PRMT9: variants seen among roughly 807,000 people sequenced by gnomAD.
The protein encoded by PRMT9 is protein arginine N-methyltransferase 9.
PRMT9 carries 59 observed loss-of-function variants against 83.2 expected under a neutral mutation model. The ratio of observed to expected loss-of-function variants is 0.71; its 90% CI spans 0.57 to 0.88. The LOEUF (loss-of-function observed/expected upper bound fraction) is 0.88. PRMT9 is among the 40% of genes least tolerant of loss of function. The pLI is 0.00. For synonymous variants in PRMT9, 333 were observed against 353.2 expected, an observed-to-expected ratio of 0.94 and a Z score of 0.64; for missense variants, 947 against 1,021.9, an observed-to-expected ratio of 0.93 and a Z score of 1.00.
rs1735666400 is a variant in PRMT9, at chr4:147,670,666, C to T, written c.821G>A (p.Trp274Ter). The T allele has an allele frequency of 6.2e-7, 1 of 1,612,524 alleles. No homozygotes were observed. Among genetic ancestry groups the T allele is most frequent in the Non-Finnish European group, 8.5e-7 (1 of 1,178,672 alleles). ...CTTTGGCTGTAAAAGTAAATGCTCC[C>T]ATGCATGAATCAAACTCTCCACAAT... ...EGIVESLIHA[W>*]EHLLLQPKTK... The change falls in exon 5 of 12, where the codon TGG becomes TAG. Residue 274 changes from tryptophan to a stop codon, truncating the protein, a stop_gained. Coordinates refer to ENST00000322396, the MANE Select transcript of PRMT9 (RefSeq NM_138364.4). LOFTEE classifies it high-confidence loss of function.
intron 2 of PRMT9, among the ~76,000 whole-genome samples, chr4:147,677,531 G>GC (rs1276156885): frequency 1.5e-5 from 2 of 135,434 alleles, no homozygotes; most frequent in African/African-American, 5.6e-5. Flanking sequence ...TTGGCTCACT[G>GC]CAACCTCCAC....
chr4:147,680,323 C>T lies in PRMT9; in HGVS notation c.338G>A (p.Arg113Lys). 1 of 1,613,912 alleles carries T rather than the reference C, an allele frequency of 6.2e-7. No homozygotes were observed. The highest frequency in any genetic ancestry group is 8.5e-7 in the Non-Finnish European group (1 of 1,179,826). The change falls in exon 2 of 12, where the codon AGA (arginine) becomes AAA (lysine). Residue 113 changes from arginine to lysine, a missense_variant and splice_region_variant. By Grantham distance (26) the Arg-to-Lys change is conservative. Transcript: ENST00000322396. Reference sequence around the variant, plus strand: ...AAGTAATACTAAAATCACTACAAACCTGAAGAGATGCTCCCCCATACTATT... The same window carrying T: ...AAGTAATACTAAAATCACTACAAACTTGAAGAGATGCTCCCCCATACTATT... ...ICNSMGEHLFRMGFRDEAAGY... is the reference protein window; with the variant it reads ...ICNSMGEHLFKMGFRDEAAGY...
At chr4:147,651,294 A>G (rs1734082044) in intron 9 of PRMT9, among the ~76,000 whole-genome samples, 1 of 152,190 alleles carries the variant, frequency 6.6e-6, no homozygotes, top group South Asian at 2.1e-4. Flanking sequence ...AAGACAATAC[A>G]GGAGAAAAGC....
intron 8 of PRMT9, among the ~76,000 whole-genome samples, chr4:147,655,341 T>C (rs1050396132): frequency 1.3e-5 from 2 of 151,670 alleles, no homozygotes; most frequent in African/African-American, 2.4e-5. Flanking sequence ...TTTTTTTTTT[T>C]AAATAGAGAT....
chr4:147,643,376 A>G (rs750874827), intron 9 of PRMT9, among the ~76,000 whole-genome samples: 2 of 152,256 alleles, frequency 1.3e-5, no homozygotes, highest in Non-Finnish European at 2.9e-5. Context: ...GATTACATAG[A>G]GTCTAATGGA....
chr4:147,672,490 T>C (rs752573814), intron 4 of PRMT9, among the ~76,000 whole-genome samples: 1 of 152,270 alleles, frequency 6.6e-6, no homozygotes, highest in African/African-American at 2.4e-5. Context: ...AAGACTTATA[T>C]GACTTATATT....
At chr4:147,641,677 T>G (rs1733411522) in intron 10 of PRMT9, among the ~76,000 whole-genome samples, 1 of 152,180 alleles carries the variant, frequency 6.6e-6, no homozygotes. Context: ...TAGTAGACAT[T>G]CAGTAAAAAT....
intron 2 of PRMT9, among the ~76,000 whole-genome samples, chr4:147,679,574 C>A (rs993243968): frequency 3.9e-5 from 6 of 152,044 alleles, no homozygotes; most frequent in Non-Finnish European, 5.9e-5. Flanking sequence ...ATGGTGAAAC[C>A]CTGTCTCTAC....
intron 1 of PRMT9, among the ~76,000 whole-genome samples, chr4:147,681,677 C>T (rs1301592708): frequency 6.6e-6 from 1 of 151,976 alleles, no homozygotes; most frequent in Non-Finnish European, 1.5e-5. Context: ...ATCCCTGCTA[C>T]TCAGGAGGCT....
At chr4:147,667,776 C>A (rs145458435) in intron 6 of PRMT9, among the ~76,000 whole-genome samples, 31 of 152,134 alleles carry the variant, frequency 2.0e-4, no homozygotes, top group African/African-American at 6.5e-4. Context: ...CAAATCATTA[C>A]AGTATTAGTG....
Position 147,683,890 on chromosome 4 carries a change from T to C in PRMT9, c.98A>G (p.Glu33Gly). The C allele has an allele frequency of 1.2e-6, 2 of 1,613,630 alleles. No homozygotes were observed. Among genetic ancestry groups the C allele is most frequent in the Non-Finnish European group, 1.7e-6 (2 of 1,179,980 alleles). The part of the protein sequence containing the change: ...ELVSRSLQSA[E>G]HCLGVQDFGT... ...GAAGTCCTGGACGCCCAGACAGTGC[T>C]CTGCGCTCTGCAAGGACCGCGACAC... The change falls in exon 1 of 12, where the codon GAG (glutamate) becomes GGG (glycine). Residue 33 changes from glutamate to glycine, a missense_variant. Coordinates refer to ENST00000322396, the MANE Select transcript of PRMT9 (RefSeq NM_138364.4).
chr4:147,661,221 T>C (rs1296850484), intron 6 of PRMT9, 183 bp from the exon 7 acceptor site: 2 of 507,204 alleles, frequency 3.9e-6, no homozygotes, highest in African/African-American at 4.1e-5. Context: ...GGAAAACAAC[T>C]ATAAATAGGT....
intron 5 of PRMT9, among the ~76,000 whole-genome samples, chr4:147,669,999 G>T (rs956524071): frequency 2.0e-5 from 3 of 152,164 alleles, no homozygotes; most frequent in African/African-American, 7.2e-5. Context: ...AGGTCTGTAA[G>T]ACTGAAAGTA....
In PRMT9 at chr4:147,638,697, A is replaced by G. The variant is rs17675537; in HGVS notation, c.2373T>C (p.His791=). The change falls in exon 12 of 12, where the codon CAT becomes CAC. Residue 791 remains histidine (H), a synonymous_variant. Coordinates refer to ENST00000322396, the MANE Select transcript of PRMT9 (RefSeq NM_138364.4). The part of the protein sequence containing the change: ...GRLTAIPFWY[H]MYLDEEIRLD... ...ACCTAATCTCTTCATCAAGGTACAT[A>G]TGATACCAAAATGGAATAGCAGTCA... The G allele has an allele frequency of 4.5e-3, 7,212 of 1,613,726 alleles. 167 individuals are homozygous for G. The African/African-American group carries it at 0.059, about 13-fold the overall frequency.
rs773196889 is a variant in PRMT9 at position 147,683,902 on chromosome 4, A to G, written c.86T>C (p.Leu29Ser). 1.2e-6 allele frequency: 2 copies of G among 1,613,536 alleles called. No homozygotes were observed. Among genetic ancestry groups the G allele is most frequent in the South Asian group, 1.1e-5 (1 of 91,082 alleles). Reference sequence around the variant, plus strand: ...GCCCAGACAGTGCTCTGCGCTCTGCAAGGACCGCGACACCAGCTCGTCCCG... The same window carrying G: ...GCCCAGACAGTGCTCTGCGCTCTGCGAGGACCGCGACACCAGCTCGTCCCG... ...AGRDELVSRS[L>S]QSAEHCLGVQ... The change falls in exon 1 of 12, where the codon TTG becomes TCG. Residue 29 changes from leucine to serine, a missense_variant. Coordinates refer to ENST00000322396, the MANE Select transcript of PRMT9 (RefSeq NM_138364.4).
chr4:147,642,969 G>C, intron 9 of PRMT9, 29 bp from the exon 10 acceptor site: 1 of 1,609,638 alleles, frequency 6.2e-7, no homozygotes, highest in Non-Finnish European at 8.5e-7. Context: ...ATTTTAAAAA[G>C]CTCTTGGGGC....
chr4:147,657,204 G>A (rs555512828), intron 8 of PRMT9, among the ~76,000 whole-genome samples: 1 of 152,174 alleles, frequency 6.6e-6, no homozygotes, highest in Admixed American at 6.5e-5. Flanking sequence ...ATGAAATAAT[G>A]GAGCAGGATT....
At chr4:147,652,994 G>A (rs1734217676) in intron 9 of PRMT9, among the ~76,000 whole-genome samples, 1 of 151,756 alleles carries the variant, frequency 6.6e-6, no homozygotes, top group East Asian at 1.9e-4. Context: ...TATATAAATA[G>A]ATAAATTAAA....
Position 147,638,741 on chromosome 4 carries a change from C to G in PRMT9, c.2329G>C (p.Val777Leu), listed in dbSNP as rs77293186. 1 of 1,606,494 alleles carries G rather than the reference C, an allele frequency of 6.2e-7. No homozygotes were observed. The highest frequency in any genetic ancestry group is 8.5e-7 in the Non-Finnish European group (1 of 1,173,980). Reference sequence around the variant, plus strand: ...GCAGTCAGTCTTCCAGATTTACAAACGTATACCTATGAAAATAAAGAAATT... The same window carrying G: ...GCAGTCAGTCTTCCAGATTTACAAAGGTATACCTATGAAAATAAAGAAATT... ...NTSNREVKVY[V>L]CKSGRLTAIP... Residue 777 changes from valine (V) to leucine (L), a missense_variant, in exon 12 of 12, where the codon GTT becomes CTT. Transcript: ENST00000322396.
Sources: allele counts gnomAD v4.1 joint callset (sites outside exome capture counted in the v4.1 genomes callset), GRCh38; gene constraint gnomAD v4.1.1; transcripts MANE v1.5; gene names NCBI Gene and HGNC (gene_info 2026-07-23, HGNC 2026-07-21).